EPB41L4A: variants seen among roughly 807,000 people sequenced by gnomAD.
EPB41L4A encodes the protein erythrocyte membrane protein band 4.1 like 4A, also known as band 4.1-like protein 4A.
In EPB41L4A, 100 loss-of-function variants were observed where a neutral mutation model predicts 108.6. The observed-to-expected ratio is 0.92, with a 90% CI of 0.78 to 1.09. The LOEUF (loss-of-function observed/expected upper bound fraction) is 1.09. Ranked by LOEUF, EPB41L4A falls within the 50% of genes least tolerant of loss-of-function variation. The pLI is 0.00. For synonymous variants in EPB41L4A, 319 were observed against 289.0 expected, an observed-to-expected ratio of 1.10 and a Z score of -1.05; for missense variants, 1,030 against 842.7, an observed-to-expected ratio of 1.22 and a Z score of -2.75.
chr5:112,301,825 C>T (rs933022912), intron 2 of EPB41L4A, among the ~76,000 whole-genome samples: 3 of 152,022 alleles, frequency 2.0e-5, no homozygotes, highest in African/African-American at 7.2e-5. Flanking sequence ...ACTTTTAGGG[C>T]TCAACAACAA....
chr5:112,268,926 T>C (rs1223987313), intron 4 of EPB41L4A, among the ~76,000 whole-genome samples: 4 of 148,218 alleles, frequency 2.7e-5, no homozygotes, highest in Non-Finnish European at 4.5e-5. Flanking sequence ...GACAGACATC[T>C]GATTCAAAGA....
At position 112,401,580 on chromosome 5, in the gene EPB41L4A, TAAG is replaced by T. The variant is rs140978766; in HGVS notation, c.99+17358_99+17360del. On this transcript the variant is annotated intron_variant, in intron 1 of 22. Coordinates refer to ENST00000261486, the MANE Select transcript of EPB41L4A (RefSeq NM_022140.5). ...TATTCTCCACCCAAATGTCTTAATT[TAAG>T]AAGAAGTATAAAATCTACTGGTAAG... Among the ~76,000 whole-genome samples, 1,181 of 152,332 alleles carry T rather than the reference TAAG, an allele frequency of 7.8e-3. 12 individuals are homozygous for T. The highest frequency in any genetic ancestry group is 0.024 in the South Asian group (117 of 4,822).
At chr5:112,286,812 G>C (rs899443707) in intron 2 of EPB41L4A, among the ~76,000 whole-genome samples, 1 of 151,112 alleles carries the variant, frequency 6.6e-6, no homozygotes, top group African/African-American at 2.4e-5. Context: ...AAAAAACTTT[G>C]ACTCCCATAC....
rs1561438928 is a variant in EPB41L4A at position 112,163,376 on chromosome 5, C to T, written c.*1614G>A. 6.6e-6 allele frequency: 1 copy of T among 152,134 alleles called. No homozygotes were observed. The highest frequency in any genetic ancestry group is 1.5e-5 in the Non-Finnish European group (1 of 68,030). The allele number at this position is 152,134 out of a possible 1,614,324, so 9.4% of individuals were successfully genotyped here. A position where few individuals can be genotyped will look rare whatever the true frequency, so the allele number is the denominator to read the frequency against. On this transcript the variant is annotated 3_prime_UTR_variant, in exon 23 of 23. Transcript: ENST00000261486. ...GGTCTTTTTGCAGTAGCACATTACT[C>T]AGTAGTCTAAACTACAGAAATAAAC...
At chr5:112,351,946 A>G (rs777263545) in intron 1 of EPB41L4A, among the ~76,000 whole-genome samples, 3 of 152,244 alleles carry the variant, frequency 2.0e-5, no homozygotes, top group Non-Finnish European at 4.4e-5. Flanking sequence ...AAAATGTAAC[A>G]TTCTTTTATG....
rs569375249 is a variant in EPB41L4A at position 112,150,998 on chromosome 5, A to C, written n.995-5000T>G. ...TGAATCACCTGGGGGGTTTGTTAAA[A>C]TATAAATTGCTATTCATTATGTCTG... On this transcript the variant is annotated intron_variant and non_coding_transcript_variant, in intron 12 of 13. Transcript: ENST00000507810. Among the ~76,000 whole-genome samples the C allele has an allele frequency of 4.6e-5, 7 of 152,318 alleles. No homozygotes were observed. In the East Asian group the frequency reaches 7.7e-4, roughly 17 times the overall value.
chr5:112,310,758 T>C (rs75871082), intron 1 of EPB41L4A, among the ~76,000 whole-genome samples: 3,210 of 152,226 alleles, frequency 0.021, 123 homozygotes, highest in African/African-American at 0.072. Context: ...TCAAACCTTC[T>C]GCTAATGTGC....
intron 12 of EPB41L4A, among the ~76,000 whole-genome samples, chr5:112,223,718 T>C (rs1445515594): frequency 6.6e-6 from 1 of 152,194 alleles, no homozygotes; most frequent in African/African-American, 2.4e-5. Flanking sequence ...TCTAAGGTTG[T>C]GTTCACACAC....
intron 12 of EPB41L4A, among the ~76,000 whole-genome samples, chr5:112,212,586 TG>T (rs1325725927): frequency 6.6e-6 from 1 of 152,184 alleles, no homozygotes; most frequent in Non-Finnish European, 1.5e-5. Context: ...TGAGCCACTG[TG>T]CCCAGCCCCC....
intron 9 of EPB41L4A, among the ~76,000 whole-genome samples, chr5:112,246,205 A>C (rs1329820126): frequency 2.0e-5 from 3 of 152,146 alleles, no homozygotes; most frequent in Non-Finnish European, 4.4e-5. Flanking sequence ...CTTTTTTTAA[A>C]TATCCAGTCA....
At chr5:112,286,915 A>G (rs1355426178) in intron 2 of EPB41L4A, among the ~76,000 whole-genome samples, 4 of 151,514 alleles carry the variant, frequency 2.6e-5, no homozygotes, top group Admixed American at 2.0e-4. Context: ...TCATGGTCCC[A>G]TTTTAGTATT....
At chr5:112,289,470 C>T (rs922649369) in intron 2 of EPB41L4A, among the ~76,000 whole-genome samples, 12 of 152,098 alleles carry the variant, frequency 7.9e-5, no homozygotes, top group African/African-American at 2.7e-4. Flanking sequence ...GGGAATATTG[C>T]CTGGACTTTA....
intron 1 of EPB41L4A, among the ~76,000 whole-genome samples, chr5:112,385,159 T>C (rs2112630705): frequency 6.6e-6 from 1 of 152,228 alleles, no homozygotes; most frequent in East Asian, 1.9e-4. Flanking sequence ...GTGACCCCGA[T>C]CCTGACCAAA....
In EPB41L4A at chr5:112,262,579, C is replaced by A. The variant is rs1282395324; in HGVS notation, c.557G>T (p.Gly186Val). Residue 186 changes from glycine (G) to valine (V), a missense_variant and splice_region_variant, in exon 7 of 23, where the codon GGT becomes GTT. Coordinates refer to ENST00000261486, the MANE Select transcript of EPB41L4A (RefSeq NM_022140.5). ...CAGCTCAGCCTCAGAAGGAATCTGA[C>A]CCCTACACCCAGCACAAAAACAAAG... ...AIERIHKTLM[G>V]QIPSEAELNY... The A allele has an allele frequency of 4.3e-6, 7 of 1,613,422 alleles. No homozygotes were observed. The Admixed American group carries it at 1.2e-4, about 27-fold the overall frequency.
chr5:112,343,581 C>T (rs931869608), intron 1 of EPB41L4A, among the ~76,000 whole-genome samples: 1 of 152,086 alleles, frequency 6.6e-6, no homozygotes, highest in Non-Finnish European at 1.5e-5. Flanking sequence ...CCACTGTCTT[C>T]ACCATCATCA....
chr5:112,268,553 C>T (rs968446196), intron 4 of EPB41L4A, among the ~76,000 whole-genome samples: 1 of 152,038 alleles, frequency 6.6e-6, no homozygotes, highest in African/African-American at 2.4e-5. Flanking sequence ...GCAAATTTCT[C>T]TTCCTCTATT....
chr5:112,303,301 G>A (rs79074274), intron 2 of EPB41L4A, among the ~76,000 whole-genome samples: 9,307 of 152,240 alleles, frequency 0.061, 378 homozygotes, highest in East Asian at 0.16. Context: ...AGAGCTCAAT[G>A]GATGAGGATT....
At chr5:112,234,803 C>T (rs1418382340) in intron 11 of EPB41L4A, 48 bp from the exon 12 acceptor site, 2 of 1,566,492 alleles carry the variant, frequency 1.3e-6, no homozygotes, top group Admixed American at 3.5e-5. Flanking sequence ...CACACAGCCA[C>T]AAAATTAAAC....
At chr5:112,415,762 C>G (rs1443585584) in intron 1 of EPB41L4A, among the ~76,000 whole-genome samples, 1 of 152,130 alleles carries the variant, frequency 6.6e-6, no homozygotes, top group African/African-American at 2.4e-5. Flanking sequence ...AAAAGACAAA[C>G]AGCTAAAAGC....
Sources: allele counts gnomAD v4.1 joint callset (sites outside exome capture counted in the v4.1 genomes callset), GRCh38; gene constraint gnomAD v4.1.1; transcripts MANE v1.5; gene names NCBI Gene and HGNC (gene_info 2026-07-23, HGNC 2026-07-21).